Variants in SAMD5 observed in about 807,000 individuals in gnomAD.
The protein encoded by SAMD5 is sterile alpha motif domain containing 5, also known as sterile alpha motif domain-containing protein 5.
A neutral mutation model predicts 11.3 loss-of-function variants in SAMD5; 13 were observed. The ratio of observed to expected loss-of-function variants is 1.15; its 90% confidence interval spans 0.75 to 1.83. The LOEUF (loss-of-function observed/expected upper bound fraction) is 1.83. Among genes scored for constraint, SAMD5 ranks in the 40% most tolerant of loss-of-function variants. The pLI is 0.00. For synonymous variants in SAMD5, 129 were observed against 111.3 expected, an observed-to-expected ratio of 1.16 and a Z score of -1.00; for missense variants, 255 against 239.1, an observed-to-expected ratio of 1.07 and a Z score of -0.44.
At chr6:147,816,487 A>G in the SAMD5 span, among the ~76,000 whole-genome samples, 5 of 151,298 alleles carry the variant, frequency 3.3e-5, no homozygotes, top group Non-Finnish European at 7.4e-5. Context: ...AGTGTAGACT[A>G]TTAAGTATCT....
the SAMD5 span, among the ~76,000 whole-genome samples, chr6:147,871,005 A>G: frequency 6.6e-6 from 1 of 152,264 alleles, no homozygotes; most frequent in East Asian, 1.9e-4. Flanking sequence ...ACTTGTGCAT[A>G]TGCTTGCTTG....
In SAMD5 at chr6:147,655,792, A is replaced by G. The variant is rs535867118; in HGVS notation, c.163-81525A>G. ...TGAAAAAGTGTGTTAATCATATAAT[A>G]CAATGAATGTGACAATTAAAACAAT... On this transcript the variant is annotated intron_variant, in intron 1 of 1. Transcript: ENST00000566741. Among the ~76,000 whole-genome samples, 8 of 152,336 alleles carry G rather than the reference A, an allele frequency of 5.3e-5. No individual in the cohort carries two copies. The South Asian group carries it at 1.7e-3, about 32-fold the overall frequency.
At chr6:147,899,058 G>T in the SAMD5 span, among the ~76,000 whole-genome samples, 2 of 150,638 alleles carry the variant, frequency 1.3e-5, no homozygotes, top group African/African-American at 4.9e-5. Flanking sequence ...GCAGGCACCT[G>T]TAGTCCCAGC....
chr6:147,544,176 G>C (rs1583075699), intron 1 of SAMD5, among the ~76,000 whole-genome samples: 1 of 152,138 alleles, frequency 6.6e-6, no homozygotes, highest in Non-Finnish European at 1.5e-5. Context: ...TGCATTGCAT[G>C]ATCAGCTGTA....
the SAMD5 span, among the ~76,000 whole-genome samples, chr6:147,838,536 C>CT: frequency 7.0e-6 from 1 of 143,822 alleles, no homozygotes; most frequent in Non-Finnish European, 1.5e-5. Flanking sequence ...ATCCTGCCCC[C>CT]CCCCCGTAGT....
the SAMD5 span, among the ~76,000 whole-genome samples, chr6:147,867,570 C>G: frequency 6.6e-6 from 1 of 152,250 alleles, no homozygotes; most frequent in South Asian, 2.1e-4. Context: ...CCTGCGTCTC[C>G]CCTCTCCCAA....
downstream of SAMD5, among the ~76,000 whole-genome samples, chr6:147,573,375 C>A (rs1394142930): frequency 6.6e-6 from 1 of 152,160 alleles, no homozygotes; most frequent in Non-Finnish European, 1.5e-5. Context: ...GAGAGAAGTG[C>A]AAGCAGAGGA....
chr6:147,529,610 G>A (rs1788396271), intron 1 of SAMD5, among the ~76,000 whole-genome samples: 1 of 152,132 alleles, frequency 6.6e-6, no homozygotes, highest in Non-Finnish European at 1.5e-5. Context: ...TTGCATAAAG[G>A]AATATAGCAC....
Position 147,537,168 on chromosome 6 carries a change from A to T in SAMD5, c.460-27226A>T, listed in dbSNP as rs377710040. On this transcript the variant is annotated intron_variant, in intron 1 of 1. Coordinates refer to ENST00000367474, the MANE Select transcript of SAMD5 (RefSeq NM_001030060.3). ...AGTTTTACATAATTTTGGAATATAT[A>T]CCAATAACACATTTACACAAGTATA... is the stretch of plus-strand genomic sequence containing the variant. Among the ~76,000 whole-genome samples the T allele has an allele frequency of 4.3e-4, 66 of 152,320 alleles. 2 individuals carry two copies. In the East Asian group the frequency reaches 0.01, roughly 24 times the overall value.
At chr6:147,646,719 G>A (rs1280206086) in intron 1 of SAMD5, among the ~76,000 whole-genome samples, 1 of 152,044 alleles carries the variant, frequency 6.6e-6, no homozygotes, top group African/African-American at 2.4e-5. Context: ...CTTTTAATGT[G>A]TATAAAATAA....
chr6:147,615,323 A>C (rs1424061195), intron 1 of SAMD5, among the ~76,000 whole-genome samples: 1 of 152,214 alleles, frequency 6.6e-6, no homozygotes, highest in African/African-American at 2.4e-5. Flanking sequence ...TCTGGTTTTT[A>C]AAAGCTCATT....
At chr6:147,846,657 T>C in the SAMD5 span, among the ~76,000 whole-genome samples, 3 of 152,152 alleles carry the variant, frequency 2.0e-5, no homozygotes, top group African/African-American at 7.2e-5. Context: ...CAGTCTCTAC[T>C]AAAAATACAA....
At chr6:147,510,082 G>C (rs926174126) in intron 1 of SAMD5, among the ~76,000 whole-genome samples, 3 of 152,226 alleles carry the variant, frequency 2.0e-5, no homozygotes, top group African/African-American at 7.2e-5. Context: ...GCTGTCACGA[G>C]TTTGGTTTAT....
At chr6:147,805,978 A>C in the SAMD5 span, among the ~76,000 whole-genome samples, 438 of 152,208 alleles carry the variant, frequency 2.9e-3, 2 homozygotes, top group African/African-American at 0.01. Context: ...TGTTATTATG[A>C]TCAGCTGCAT....
chr6:147,871,307 A>T, the SAMD5 span, among the ~76,000 whole-genome samples: 2 of 152,198 alleles, frequency 1.3e-5, no homozygotes, highest in South Asian at 2.1e-4. Context: ...TTTTTTCTTT[A>T]ATTACTAATA....
intron 1 of SAMD5, among the ~76,000 whole-genome samples, chr6:147,673,676 A>T (rs1200885735): frequency 6.6e-6 from 1 of 152,058 alleles, no homozygotes; most frequent in Non-Finnish European, 1.5e-5. Flanking sequence ...TCATTTTTTT[A>T]ATCAGATGTA....
the SAMD5 span, among the ~76,000 whole-genome samples, chr6:147,895,207 T>G: frequency 6.6e-6 from 1 of 152,308 alleles, no homozygotes; most frequent in East Asian, 1.9e-4. Flanking sequence ...GTATTGTCAT[T>G]TAGAGGTGAC....
intron 1 of SAMD5, among the ~76,000 whole-genome samples, chr6:147,545,656 G>C (rs1788673701): frequency 6.6e-6 from 1 of 152,034 alleles, no homozygotes; most frequent in African/African-American, 2.4e-5. Flanking sequence ...CCTATTACTA[G>C]TAATTATGTA....
chr6:147,607,113 A>G (rs1182716656), intron 1 of SAMD5, among the ~76,000 whole-genome samples: 1 of 152,218 alleles, frequency 6.6e-6, no homozygotes, highest in Admixed American at 6.5e-5. Context: ...CCTTAAAAAA[A>G]TTCTTTCATT....
Sources: allele counts gnomAD v4.1 joint callset (sites outside exome capture counted in the v4.1 genomes callset), GRCh38; gene constraint gnomAD v4.1.1; transcripts MANE v1.5; gene names NCBI Gene and HGNC (gene_info 2026-07-23, HGNC 2026-07-21).